Variants in CACNA1F observed in about 807,000 individuals in gnomAD.
The protein encoded by CACNA1F is voltage-dependent L-type calcium channel subunit alpha-1F.
CACNA1F carries 59 observed loss-of-function variants against 143.8 expected under a neutral mutation model. That is an observed-to-expected ratio of 0.41 (90% CI 0.33 to 0.51). The LOEUF is 0.51. CACNA1F is among the 20% of genes least tolerant of loss of function. CACNA1F has a pLI of 0.22. For missense variants in CACNA1F, 1,411 were observed against 1,647.5 expected (o/e 0.86, Z 2.48); for synonymous variants, 643 against 649.1 (o/e 0.99, Z 0.14).
intron 37 of CACNA1F, 87 bp downstream of exon 37, chrX:49,210,878 T>G (rs1557106057): frequency 9.7e-7 from 1 of 1,027,959 alleles, no homozygotes; most frequent in Non-Finnish European, 1.3e-6. Context: ...GGTAATGAGA[T>G]GCAGCAGTCG....
In CACNA1F at chrX:49,218,616, A is replaced by T; in HGVS notation, c.2840+13T>A. On this transcript the variant is annotated intron_variant, in intron 23 of 47. Coordinates refer to ENST00000323022, the MANE Select transcript of CACNA1F (RefSeq NM_001256789.3). ...GTGAGAGGAATGGGGTGGGCTGGGGATCTGTCACTTACTGGATGCCAAAGG... is the reference window on the plus strand; with the variant it reads ...GTGAGAGGAATGGGGTGGGCTGGGGTTCTGTCACTTACTGGATGCCAAAGG... The T allele has an allele frequency of 8.4e-7, 1 of 1,188,976 alleles. No individual in the cohort carries two copies.
Position 49,224,820 on chromosome X carries a change from C to T in CACNA1F, c.1818G>A (p.Gln606=). The T allele has an allele frequency of 8.4e-7, 1 of 1,197,505 alleles. No homozygotes were observed. Among genetic ancestry groups the T allele is most frequent in the Non-Finnish European group, 1.1e-6 (1 of 887,036 alleles). Residue 606 remains glutamine, a synonymous_variant, in exon 14 of 48, where the codon CAG becomes CAA. Transcript: ENST00000323022. The part of the protein sequence containing the change: ...ETTLVEVGAM[Q]PLGISVLRCV... ...ATCGGAGCACTGAGATGCCCAAGGGCTGCATGGCACCCACCTCCACCAAGG... is the reference window on the plus strand; with the variant it reads ...ATCGGAGCACTGAGATGCCCAAGGGTTGCATGGCACCCACCTCCACCAAGG...
chrX:49,231,144 G>A, intron 3 of CACNA1F, 58 bp downstream of exon 3: 1 of 895,677 alleles, frequency 1.1e-6, no homozygotes, highest in Admixed American at 2.6e-5. Context: ...GCTGGAAGGA[G>A]TGAGCTCTAC....
At chrX:49,217,207 C>T (rs782049368) in intron 26 of CACNA1F, among the ~76,000 whole-genome samples, 28 of 112,767 alleles carry the variant, frequency 2.5e-4, no homozygotes, top group Non-Finnish European at 4.7e-4. Flanking sequence ...GATCTGCCTG[C>T]CTTGGCCTCC....
In CACNA1F at chrX:49,224,951, C is replaced by T. The variant is rs2065809606; in HGVS notation, c.1687G>A (p.Val563Met). The change falls in exon 14 of 48, where the codon GTG (valine) becomes ATG (methionine). Residue 563 changes from valine to methionine, a missense_variant. By Grantham distance (21) the Val-to-Met change is conservative (BLOSUM62 1). Coordinates refer to ENST00000323022, the MANE Select transcript of CACNA1F (RefSeq NM_001256789.3). ...ANKVLLCLFT[V>M]EMLLKLYGLG... is the part of the protein sequence containing the mutation. ...CCGTACAATTTGAGAAGCATCTCCA[C>T]CGTGAACAGACAGAGCAACACTTTG... 4 of 1,203,877 alleles carry T rather than the reference C, an allele frequency of 3.3e-6. No homozygotes were observed. Among genetic ancestry groups the T allele is most frequent in the Non-Finnish European group, 4.5e-6 (4 of 889,389 alleles).
intron 37 of CACNA1F, 118 bp downstream of exon 37, chrX:49,210,847 C>A (rs896920915): frequency 1.3e-5 from 12 of 933,293 alleles, no homozygotes; most frequent in Non-Finnish European, 1.7e-5. Context: ...GCAGTGGAAA[C>A]TTTGGGGCAT....
intron 26 of CACNA1F, among the ~76,000 whole-genome samples, chrX:49,216,859 C>T (rs1009379510): frequency 8.9e-6 from 1 of 111,931 alleles, no homozygotes; most frequent in African/African-American, 3.2e-5. Flanking sequence ...CATCATCGCC[C>T]ACCAGGAAAA....
Position 49,226,642 on chromosome X carries a change from G to C in CACNA1F, c.1337C>G (p.Ser446Cys), listed in dbSNP as rs1557110028. 1.7e-6 allele frequency: 2 copies of C among 1,183,799 alleles called. No individual in the cohort carries two copies. Among genetic ancestry groups the C allele is most frequent in the South Asian group, 1.9e-5 (1 of 53,505 alleles). Reference sequence around the variant, plus strand: ...GCTGGTGGAGTGTGTGGAGCGAGTAGAATGACTGAACCAGCGCAGACGTCC... The same window carrying C: ...GCTGGTGGAGTGTGTGGAGCGAGTACAATGACTGAACCAGCGCAGACGTCC... Reference protein sequence around the residue: ...RRGRLRWFSHSTRSTHSTSSH... With the variant: ...RRGRLRWFSHCTRSTHSTSSH... The change falls in exon 10 of 48, where the codon TCT (serine) becomes TGT (cysteine). Residue 446 changes from serine to cysteine, a missense_variant. By Grantham distance (112) the Ser-to-Cys change is moderately radical (BLOSUM62 -1). This residue lies in a region of CACNA1F where 950 missense variants were observed against 1,128.1 expected (regional missense o/e 0.84). Transcript: ENST00000323022.
At chrX:49,219,207 C>G in intron 21 of CACNA1F, 114 bp downstream of exon 21, 1 of 823,544 alleles carries the variant, frequency 1.2e-6, no homozygotes, top group South Asian at 2.2e-5. Flanking sequence ...TAATGAGCCC[C>G]TCTCTCGGCT....
intron 14 of CACNA1F, 132 bp from the exon 15 acceptor site, chrX:49,223,268 G>T: frequency 8.4e-6 from 4 of 478,661 alleles, no homozygotes; most frequent in Non-Finnish European, 1.5e-5. Context: ...TTTGGTGTCA[G>T]GGTTAGAAAT....
intron 33 of CACNA1F, 129 bp from the exon 34 acceptor site, chrX:49,212,437 G>C (rs1339556156): frequency 4.9e-6 from 3 of 613,452 alleles, no homozygotes; most frequent in Non-Finnish European, 7.9e-6. Flanking sequence ...AAAGTGCCAA[G>C]GACTGTGGTG....
rs1225587258 is a variant in CACNA1F at position 49,215,528 on chromosome X, G to A, written c.3252C>T (p.Ala1084=). 1.7e-6 allele frequency: 2 copies of A among 1,196,842 alleles called. No homozygotes were observed. Among genetic ancestry groups the A allele is most frequent in the Non-Finnish European group, 1.1e-6 (1 of 884,640 alleles). ...FEGWPALLYK[A]IDAYAEDHGP... ...CGTGGTCCTCTGCATATGCATCGATGGCCTTGTATAGCAGTCTGTGGGAGC... is the reference window on the plus strand; with the variant it reads ...CGTGGTCCTCTGCATATGCATCGATAGCCTTGTATAGCAGTCTGTGGGAGC... The change falls in exon 28 of 48, where the codon GCC becomes GCT. Residue 1084 remains alanine, a synonymous_variant. Coordinates refer to ENST00000323022, the MANE Select transcript of CACNA1F (RefSeq NM_001256789.3).
Position 49,215,242 on chromosome X carries a change from A to G in CACNA1F, c.3441T>C (p.Arg1147=). ...YQNCELDKNQ[R]QCVEYALKAQ... ...CCTTGAGGGCATATTCCACACATTG[A>G]CGCTGCATACCAGGGCAGGGCATGA... is the stretch of plus-strand genomic sequence containing the variant. Residue 1147 remains arginine, a splice_region_variant and synonymous_variant, in exon 29 of 48, where the codon CGT becomes CGC. Coordinates refer to ENST00000323022, the MANE Select transcript of CACNA1F (RefSeq NM_001256789.3). 4 of 1,210,346 alleles carry G rather than the reference A, an allele frequency of 3.3e-6. No individual in the cohort carries two copies. The highest frequency in any genetic ancestry group is 4.5e-6 in the Non-Finnish European group (4 of 894,984).
At chrX:49,208,415 T>TCCCCCCCCCCC in intron 43 of CACNA1F, 100 bp downstream of exon 43, 2 of 138,732 alleles carry the variant, frequency 1.4e-5, no homozygotes, top group Non-Finnish European at 2.8e-5. Flanking sequence ...CTCTAGGCCC[T>TCCCCCCCCCCC]CCCTCCCACC....
At chrX:49,218,123 A>G (rs1569528177) in intron 24 of CACNA1F, 118 bp from the exon 25 acceptor site, 1 of 530,530 alleles carries the variant, frequency 1.9e-6, no homozygotes, top group East Asian at 3.6e-5. Context: ...GTGATGGGTC[A>G]GGGATGTATG....
At position 49,230,326 on chromosome X, in the gene CACNA1F, C is replaced by G; in HGVS notation, c.711G>C (p.Leu237=). The G allele has an allele frequency of 1.7e-6, 2 of 1,209,465 alleles. No individual in the cohort carries two copies. The highest frequency in any genetic ancestry group is 2.2e-6 in the Non-Finnish European group (2 of 894,104). ...LNSIMKALVP[L]LHIALLVLFV... ...AGAGCACGAGCAGTGCAATGTGCAG[C>G]AGCGGCACCAGAGCCTTCATGATGG... The change falls in exon 6 of 48, where the codon CTG becomes CTC. Residue 237 remains leucine (L), a synonymous_variant. Transcript: ENST00000323022.
intron 43 of CACNA1F, among the ~76,000 whole-genome samples, chrX:49,207,776 C>T (rs2147892216): frequency 9.1e-6 from 1 of 110,252 alleles, no homozygotes; most frequent in East Asian, 2.8e-4. Flanking sequence ...CTTTAATCTG[C>T]TTATGTATTG....
rs1557111324 is a variant in CACNA1F, at chrX:49,231,284, A to G, written c.299T>C (p.Leu100Pro). ...EWKPFDILIL[L>P]TIFANCVALG... ...GGCCACGCAGTTGGCAAAGATGGTCAGCAGGATGAGGATGTCGAAGGGCCT... is the reference window on the plus strand; with the variant it reads ...GGCCACGCAGTTGGCAAAGATGGTCGGCAGGATGAGGATGTCGAAGGGCCT... Residue 100 changes from leucine (L) to proline (P), a missense_variant, in exon 3 of 48, where the codon CTG becomes CCG. Around this residue, in one of 3 missense-constraint regions of CACNA1F, gnomAD observed 950 missense variants for 1,128.1 expected, o/e 0.84. Coordinates refer to ENST00000323022, the MANE Select transcript of CACNA1F (RefSeq NM_001256789.3). The G allele has an allele frequency of 8.6e-7, 1 of 1,164,549 alleles. No individual in the cohort carries two copies.
chrX:49,214,119 A>G, intron 30 of CACNA1F, 40 bp downstream of exon 30: 1 of 899,758 alleles, frequency 1.1e-6, no homozygotes, highest in Non-Finnish European at 1.6e-6. Context: ...CTCCCAAGGA[A>G]TTCATCCACT....
Sources: gnomAD v4.1 joint callset for allele counts (sites outside exome capture counted in the v4.1 genomes callset) on GRCh38, gnomAD v4.1.1 for gene constraint, gnomAD v4.1.1 regional missense constraint, MANE v1.5 for transcripts, NCBI Gene and HGNC (gene_info 2026-07-23, HGNC 2026-07-21) for gene names.